The following FRYL variants were observed in gnomAD, a reference collection of about 807,000 sequenced individuals.
FRYL encodes protein furry homolog-like.
FRYL carries 150 observed loss-of-function variants against 351.2 expected under a neutral mutation model. The observed-to-expected ratio is 0.43, with a 90% CI of 0.37 to 0.49. The LOEUF (loss-of-function observed/expected upper bound fraction) is 0.49. Among genes scored for constraint, FRYL ranks in the 20% least tolerant of loss-of-function variants. The pLI is 0.00. For synonymous variants in FRYL, 1,153 were observed against 1,257.1 expected, an observed-to-expected ratio of 0.92 and a Z score of 1.75; for missense variants, 3,036 against 3,619.3, an observed-to-expected ratio of 0.84 and a Z score of 4.13.
chr4:48,575,897 A>G, intron 24 of FRYL, 133 bp downstream of exon 24: 1 of 651,408 alleles, frequency 1.5e-6, no homozygotes, highest in Non-Finnish European at 2.5e-6. Flanking sequence ...TTCTTGAGGT[A>G]TTTTCCTTTT....
intron 3 of FRYL, among the ~76,000 whole-genome samples, chr4:48,679,689 TC>T (rs1764313348): frequency 4.8e-5 from 1 of 20,672 alleles, no homozygotes; most frequent in Non-Finnish European, 2.4e-4. Flanking sequence ...TATTGAATGT[TC>T]TAACACAAAG....
intron 3 of FRYL, among the ~76,000 whole-genome samples, chr4:48,660,069 G>T (rs950791835): frequency 4.6e-4 from 70 of 151,716 alleles, no homozygotes; most frequent in African/African-American, 1.6e-3. Context: ...GGAGCATCTT[G>T]GAGTATCAGA....
chr4:48,762,758 A>T (rs1416887944), intron 1 of FRYL, among the ~76,000 whole-genome samples: 1 of 152,220 alleles, frequency 6.6e-6, no homozygotes, highest in Non-Finnish European at 1.5e-5. Flanking sequence ...CACATACCAT[A>T]TAAAACCAGT....
At chr4:48,687,492 C>CGGGGGGG (rs561805370) in intron 2 of FRYL, among the ~76,000 whole-genome samples, 20 of 46,566 alleles carry the variant, frequency 4.3e-4, no homozygotes, top group Admixed American at 8.3e-4. Flanking sequence ...CAAATGAGGT[C>CGGGGGGG]GGGGGGGGGG....
At chr4:48,697,610 G>T (rs1766318219) in intron 2 of FRYL, among the ~76,000 whole-genome samples, 1 of 152,192 alleles carries the variant, frequency 6.6e-6, no homozygotes, top group Non-Finnish European at 1.5e-5. Context: ...CTCCTGAGTA[G>T]CTGGGATTAC....
chr4:48,771,134 G>A (rs1320670829), intron 1 of FRYL, among the ~76,000 whole-genome samples: 2 of 152,098 alleles, frequency 1.3e-5, no homozygotes, highest in Non-Finnish European at 1.5e-5. Context: ...TTAACTCTAA[G>A]GCAGGAAAAG....
intron 3 of FRYL, among the ~76,000 whole-genome samples, chr4:48,644,007 G>C (rs994631083): frequency 6.6e-6 from 1 of 152,014 alleles, no homozygotes; most frequent in African/African-American, 2.4e-5. Flanking sequence ...GCAATAGCAC[G>C]ATCTCGGCTC....
rs1301120488 is a variant in FRYL, at chr4:48,540,436, G to C, written c.6212C>G (p.Ser2071Cys). ...QLFLKGFTSASTQEMTVHLLS... is the reference protein window; with the variant it reads ...QLFLKGFTSACTQEMTVHLLS... ...GAGGTGCACGGTCATTTCTTGTGTA[G>C]ATGCTGAGGTAAAACCCTTAAGGAA... Residue 2071 changes from serine to cysteine, a missense_variant, in exon 46 of 64, where the codon TCT becomes TGT. Ser to Cys is a moderately radical substitution (Grantham distance 112). Coordinates refer to ENST00000358350, the MANE Select transcript of FRYL (RefSeq NM_015030.2). 1.2e-6 allele frequency: 2 copies of C among 1,614,000 alleles called. No homozygotes were observed. Among genetic ancestry groups the C allele is most frequent in the Admixed American group, 1.7e-5 (1 of 60,008 alleles).
chr4:48,540,305 T>C, intron 46 of FRYL, 48 bp downstream of exon 46: 2 of 1,558,772 alleles, frequency 1.3e-6, no homozygotes, highest in Non-Finnish European at 1.7e-6. Context: ...TTAGTTTACA[T>C]TTTACTGCAT....
chr4:48,656,317 C>A (rs375530686), intron 3 of FRYL, among the ~76,000 whole-genome samples: 1 of 53,954 alleles, frequency 1.9e-5, no homozygotes, highest in Non-Finnish European at 3.5e-5. Context: ...TTATATATTA[C>A]ATAATATATA....
intron 1 of FRYL, among the ~76,000 whole-genome samples, chr4:48,763,190 G>A (rs1774588183): frequency 6.6e-6 from 1 of 151,748 alleles, no homozygotes; most frequent in African/African-American, 2.4e-5. Context: ...GCCAGGCAAG[G>A]TGGCTCATGC....
chr4:48,525,436 T>C (rs1361889714), intron 53 of FRYL, among the ~76,000 whole-genome samples: 1 of 152,128 alleles, frequency 6.6e-6, no homozygotes, highest in East Asian at 1.9e-4. Flanking sequence ...TCCTCACATC[T>C]GCAGGGGGCA....
chr4:48,580,232 T>C (rs1035035483), intron 22 of FRYL, among the ~76,000 whole-genome samples: 1 of 152,100 alleles, frequency 6.6e-6, no homozygotes, highest in African/African-American at 2.4e-5. Flanking sequence ...TAGGAGGAAA[T>C]ATTTTTAAAT....
At chr4:48,760,883 G>A (rs1360255616) in intron 1 of FRYL, among the ~76,000 whole-genome samples, 3 of 151,992 alleles carry the variant, frequency 2.0e-5, no homozygotes, top group African/African-American at 7.3e-5. Flanking sequence ...TCGCCATGTT[G>A]ACCAGGCTGG....
intron 19 of FRYL, among the ~76,000 whole-genome samples, chr4:48,585,117 T>C (rs1260930316): frequency 6.6e-6 from 1 of 152,174 alleles, no homozygotes; most frequent in Non-Finnish European, 1.5e-5. Context: ...AGATGAGTTA[T>C]GTTGAAATAG....
At chr4:48,768,275 C>A (rs558849394) in intron 1 of FRYL, among the ~76,000 whole-genome samples, 1 of 152,270 alleles carries the variant, frequency 6.6e-6, no homozygotes, top group South Asian at 2.1e-4. Context: ...CAAATGGATT[C>A]TTAAAAGATT....
chr4:48,710,488 C>T (rs1461163561), intron 2 of FRYL, 31 bp downstream of exon 2: 6 of 398,290 alleles, frequency 1.5e-5, no homozygotes, highest in Non-Finnish European at 2.7e-5. Flanking sequence ...GGAAAGAAGG[C>T]CTAGAAAAGA....
In FRYL at chr4:48,565,608, T is replaced by TA; in HGVS notation, c.3252dup (p.Ser1085Ter). 6.2e-7 allele frequency: 1 copy of TA among 1,613,956 alleles called. No individual in the cohort carries two copies. Among genetic ancestry groups the TA allele is most frequent in the East Asian group, 2.2e-5 (1 of 44,860 alleles). On this transcript the variant is annotated frameshift_variant, in exon 29 of 64. Coordinates refer to ENST00000358350, the MANE Select transcript of FRYL (RefSeq NM_015030.2). LOFTEE classifies it high-confidence loss of function. ...CTGTCCAAGGGCGTAAACATGATGCTAAAAGGACCTGCCCAGTGACTGAAC... is the reference window on the plus strand; with the variant it reads ...CTGTCCAAGGGCGTAAACATGATGCTAAAAAGGACCTGCCCAGTGACTGAAC...
At position 48,603,730 on chromosome 4, in the gene FRYL, A is replaced by C. The variant is rs138282028; in HGVS notation, c.835-342T>G. Among the ~76,000 whole-genome samples the C allele has an allele frequency of 4.6e-5, 7 of 152,324 alleles. No homozygotes were observed. The East Asian group carries it at 1.4e-3, about 29-fold the overall frequency. On this transcript the variant is annotated intron_variant, in intron 11 of 63. Coordinates refer to ENST00000358350, the MANE Select transcript of FRYL (RefSeq NM_015030.2). ...GCATCCAACATCTCTTAACAGAAAT[A>C]GTGCTAAAGCCTCCCATTTAACCTT...
Sources: allele counts gnomAD v4.1 joint callset (sites outside exome capture counted in the v4.1 genomes callset), GRCh38; gene constraint gnomAD v4.1.1; transcripts MANE v1.5; gene names NCBI Gene and HGNC (gene_info 2026-07-23, HGNC 2026-07-21).